Variants in PTPN5 observed in about 807,000 individuals in gnomAD.
The protein encoded by PTPN5 is protein tyrosine phosphatase non-receptor type 5, also known as tyrosine-protein phosphatase non-receptor type 5.
In PTPN5, 29 loss-of-function variants were observed where a neutral mutation model predicts 73.9. That is an observed-to-expected ratio of 0.39 (90% confidence interval 0.29 to 0.54). The LOEUF (loss-of-function observed/expected upper bound fraction) is 0.54, where lower values mean the gene tolerates loss of function less well. Ranked by LOEUF, PTPN5 falls within the 20% of genes least tolerant of loss-of-function variation. The pLI is 0.65. For missense variants in PTPN5, 652 were observed against 751.4 expected (o/e 0.87, Z 1.55); for synonymous variants, 267 against 304.7 (o/e 0.88, Z 1.29).
intron 3 of PTPN5, among the ~76,000 whole-genome samples, chr11:18,745,800 G>A (rs906064475): frequency 1.3e-5 from 2 of 152,046 alleles, no homozygotes; most frequent in African/African-American, 4.8e-5. Context: ...TACAGAAAAG[G>A]AAGATGAGGT....
intron 1 of PTPN5, among the ~76,000 whole-genome samples, chr11:18,778,240 C>T (rs534433656): frequency 2.0e-4 from 30 of 152,268 alleles, no homozygotes; most frequent in South Asian, 1.7e-3. Context: ...AGCTCTTAGA[C>T]GAGCACATGG....
At position 18,744,127 on chromosome 11, in the gene PTPN5, G is replaced by A. The variant is rs769885405; in HGVS notation, c.170C>T (p.Pro57Leu). Reference protein sequence around the residue: ...EGLQDSQREMPPPPPPSPPSD... With the variant: ...EGLQDSQREMLPPPPPSPPSD... The stretch of plus-strand genomic sequence containing the variant: ...GGGCGGCGAGGGAGGAGGGGGTGGC[G>A]GCATCTCTCTCTGTGAGTCCTGGAG... Residue 57 changes from proline (P) to leucine (L), a missense_variant, in exon 4 of 15, where the codon CCG becomes CTG. Coordinates refer to ENST00000358540, the MANE Select transcript of PTPN5 (RefSeq NM_006906.2). The A allele has an allele frequency of 2.2e-5, 35 of 1,610,006 alleles. No homozygotes were observed. The highest frequency in any genetic ancestry group is 1.4e-4 in the Admixed American group (8 of 59,244).
At chr11:18,777,971 GAAGGAAGAAAGAAAGAAAGA>G (rs1289096832) in intron 1 of PTPN5, among the ~76,000 whole-genome samples, 6 of 90,164 alleles carry the variant, frequency 6.7e-5, no homozygotes, top group Admixed American at 3.8e-4. Context: ...AGGAAGGAAG[GAAGGAAGAAAGAAAGAAAGA>G]AAGGAAGGAA....
chr11:18,765,753 G>A, intron 3 of PTPN5, 54 bp downstream of exon 3: 2 of 1,242,650 alleles, frequency 1.6e-6, no homozygotes, highest in Non-Finnish European at 2.3e-6. Context: ...TTCAGCCGGG[G>A]CATTGTCTCT....
At chr11:18,755,727 C>A (rs1177401649) in intron 3 of PTPN5, among the ~76,000 whole-genome samples, 1 of 152,054 alleles carries the variant, frequency 6.6e-6, no homozygotes, top group Non-Finnish European at 1.5e-5. Context: ...TTTTTTGGGC[C>A]TGACGCGGTG....
intron 3 of PTPN5, among the ~76,000 whole-genome samples, chr11:18,765,025 T>C (rs887904819): frequency 3.9e-5 from 6 of 152,230 alleles, no homozygotes; most frequent in Admixed American, 3.9e-4. Flanking sequence ...AAGACTTGTC[T>C]TCTAACAAAA....
intron 3 of PTPN5, among the ~76,000 whole-genome samples, chr11:18,760,821 G>GATAT (rs912485221): frequency 2.6e-5 from 4 of 152,364 alleles, no homozygotes; most frequent in Admixed American, 2.6e-4. Context: ...GGGCTCAGGA[G>GATAT]ATATACTCAA....
chr11:18,774,142 A>C (rs529530249), intron 1 of PTPN5, among the ~76,000 whole-genome samples: 1 of 152,338 alleles, frequency 6.6e-6, no homozygotes, highest in Non-Finnish European at 1.5e-5. Flanking sequence ...CTGAGCCTTA[A>C]ATTTTTCTCA....
intron 3 of PTPN5, among the ~76,000 whole-genome samples, chr11:18,745,329 T>C (rs1849566714): frequency 1.3e-5 from 2 of 152,184 alleles, no homozygotes; most frequent in South Asian, 2.1e-4. Context: ...GCTCGCTCAC[T>C]TGACAAACAT....
At chr11:18,743,577 G>C in intron 4 of PTPN5, 148 bp from the exon 5 acceptor site, 2 of 687,324 alleles carry the variant, frequency 2.9e-6, no homozygotes, top group Non-Finnish European at 5.0e-6. Flanking sequence ...GCAGGGCCCC[G>C]GTGCTGCGTG....
At chr11:18,755,408 C>T (rs1254897070) in intron 3 of PTPN5, among the ~76,000 whole-genome samples, 1 of 152,166 alleles carries the variant, frequency 6.6e-6, no homozygotes, top group Non-Finnish European at 1.5e-5. Context: ...TTTTAAATTA[C>T]AAAGTTTTGG....
At chr11:18,769,912 A>G (rs1167717765) in intron 2 of PTPN5, among the ~76,000 whole-genome samples, 1 of 152,166 alleles carries the variant, frequency 6.6e-6, no homozygotes, top group African/African-American at 2.4e-5. Flanking sequence ...CCTAGAAGAC[A>G]GGAATCCTGC....
chr11:18,755,054 C>T (rs1157245124), intron 3 of PTPN5, among the ~76,000 whole-genome samples: 2 of 152,204 alleles, frequency 1.3e-5, no homozygotes, highest in African/African-American at 4.8e-5. Context: ...ACTGTGACTT[C>T]CATCTTGGAC....
chr11:18,786,688 T>TG (rs1183533545), intron 1 of PTPN5, among the ~76,000 whole-genome samples: 1 of 152,228 alleles, frequency 6.6e-6, no homozygotes, highest in Non-Finnish European at 1.5e-5. Flanking sequence ...GAATCTGGAC[T>TG]GGGGGTCCAG....
chr11:18,733,724 T>A lies in PTPN5; in HGVS notation c.1001-89A>T. 9.0e-7 allele frequency: 1 copy of A among 1,112,336 alleles called. No individual in the cohort carries two copies. The highest frequency in any genetic ancestry group is 2.4e-5 in the East Asian group (1 of 42,488). 68.9% of individuals were successfully genotyped at this position (1,112,336 alleles called of 1,614,324 possible). ...TGGCCTATTCCAGCATACCCACACT[T>A]CTTCTGCGACATTAGCAGTTCTTCC... On this transcript the variant is annotated intron_variant, in intron 9 of 14. Transcript: ENST00000358540. This position sits in a 1 kb window ranked among gnomAD's most constrained non-coding sequence, Gnocchi z 4.3.
chr11:18,761,090 T>C (rs1327313075), intron 3 of PTPN5, among the ~76,000 whole-genome samples: 1 of 152,212 alleles, frequency 6.6e-6, no homozygotes, highest in Non-Finnish European at 1.5e-5. Flanking sequence ...ACGCAAGCAA[T>C]GGCCCTTGCA....
intron 3 of PTPN5, 139 bp downstream of exon 3, chr11:18,765,668 C>T (rs565215135): frequency 1.3e-5 from 9 of 679,578 alleles, no homozygotes; most frequent in South Asian, 6.4e-5. Flanking sequence ...CCCATTTAAA[C>T]GAAGAGCTAT....
Position 18,777,463 on chromosome 11 carries a change from T to C in PTPN5, c.-113-5392A>G, listed in dbSNP as rs1429451217. 2.0e-5 allele frequency among the ~76,000 whole-genome samples: 3 copies of C among 152,208 alleles called. No homozygotes were observed. The East Asian group carries it at 5.8e-4, about 29-fold the overall frequency. ...AAATGTTAACTGTCATCATCTTGTGTTTCAGGCTTTGCCTGTTTCCCAGTT... is the reference window on the plus strand; with the variant it reads ...AAATGTTAACTGTCATCATCTTGTGCTTCAGGCTTTGCCTGTTTCCCAGTT... On this transcript the variant is annotated intron_variant, in intron 1 of 14. Coordinates refer to ENST00000358540, the MANE Select transcript of PTPN5 (RefSeq NM_006906.2).
At chr11:18,759,808 C>G (rs1217239715) in intron 3 of PTPN5, among the ~76,000 whole-genome samples, 1 of 152,166 alleles carries the variant, frequency 6.6e-6, no homozygotes, top group Non-Finnish European at 1.5e-5. Flanking sequence ...CTACTACAAC[C>G]AGGTCCATCT....
Sources: gnomAD v4.1 joint callset for allele counts (sites outside exome capture counted in the v4.1 genomes callset) on GRCh38, gnomAD v4.1.1 for gene constraint, Gnocchi (gnomAD v3.1) non-coding constraint, MANE v1.5 for transcripts, NCBI Gene and HGNC (gene_info 2026-07-23, HGNC 2026-07-21) for gene names.